The following RRP15 variants were observed in gnomAD, a reference collection of about 807,000 sequenced individuals.
RRP15 encodes the protein RRP15-like protein.
Under a neutral mutation model 27.1 loss-of-function variants are expected in RRP15, and 18 were observed. The observed-to-expected ratio is 0.66, with a 90% CI of 0.46 to 0.98. RRP15 has a LOEUF of 0.98. Among genes scored for constraint, RRP15 ranks in the 50% least tolerant of loss-of-function variants. The pLI is 0.00. For missense variants in RRP15, 359 were observed against 337.8 expected (o/e 1.06, Z -0.49); for synonymous variants, 107 against 109.4 (o/e 0.98, Z 0.14).
At chr1:218,290,782 T>C (rs1262420851) in intron 1 of RRP15, among the ~76,000 whole-genome samples, 2 of 152,210 alleles carry the variant, frequency 1.3e-5, no homozygotes, top group Non-Finnish European at 2.9e-5. Flanking sequence ...TGTGTGTTTT[T>C]GTTTGAAGAC....
At chr1:218,312,706 A>G (rs1372322070) in intron 4 of RRP15, among the ~76,000 whole-genome samples, 32 of 152,162 alleles carry the variant, frequency 2.1e-4, no homozygotes, top group Admixed American at 2.1e-3. Flanking sequence ...AAAAATTGTG[A>G]TGTGGGGATA....
intron 4 of RRP15, among the ~76,000 whole-genome samples, chr1:218,324,759 G>A (rs1417400690): frequency 2.0e-5 from 3 of 152,012 alleles, no homozygotes; most frequent in Admixed American, 1.3e-4. Flanking sequence ...TTTCTTATTC[G>A]TGTGAAAAAA....
intron 1 of RRP15, among the ~76,000 whole-genome samples, chr1:218,289,321 A>G (rs1274486648): frequency 6.6e-6 from 1 of 152,256 alleles, no homozygotes; most frequent in Non-Finnish European, 1.5e-5. Context: ...AAGCTTGGAA[A>G]TAGTGCTTCC....
At position 218,326,878 on chromosome 1, in the gene RRP15, C is replaced by G. The variant is rs141026942; in HGVS notation, c.706-4070C>G. On this transcript the variant is annotated intron_variant, in intron 4 of 4. Coordinates refer to ENST00000366932, the MANE Select transcript of RRP15 (RefSeq NM_016052.4). ...GGGAAGTAGAGCACTAAATGTTTCT[C>G]AAAGCATACCTTTCACCCCAGTGCT... Among the ~76,000 whole-genome samples, 577 of 152,342 alleles carry G rather than the reference C, an allele frequency of 3.8e-3. 4 individuals are homozygous for G. Among genetic ancestry groups the G allele is most frequent in the South Asian group, 0.017 (83 of 4,828 alleles).
chr1:218,309,698 A>C (rs952519465), intron 4 of RRP15, among the ~76,000 whole-genome samples: 26 of 151,470 alleles, frequency 1.7e-4, no homozygotes, highest in African/African-American at 6.1e-4. Context: ...AAAAAAAAAA[A>C]AAAAAAAAAA....
At position 218,323,916 on chromosome 1, in the gene RRP15, G is replaced by A. The variant is rs563453492; in HGVS notation, c.706-7032G>A. 2.4e-4 allele frequency among the ~76,000 whole-genome samples: 36 copies of A among 152,310 alleles called. No individual in the cohort carries two copies. The East Asian group carries it at 6.6e-3, about 28-fold the overall frequency. ...CCGGGCAGTGGGAGAAGATACTTCC[G>A]AGCCTGCAGGGGCAGGGGGCGCCTT... On this transcript the variant is annotated intron_variant, in intron 4 of 4. Transcript: ENST00000366932.
intron 4 of RRP15, among the ~76,000 whole-genome samples, chr1:218,328,752 G>A (rs6671534): frequency 0.05 from 7,642 of 152,160 alleles, 665 homozygotes; most frequent in African/African-American, 0.17. Flanking sequence ...TAGGAGAGGA[G>A]TAGAGGAGTA....
At chr1:218,322,718 G>A (rs1371866570) in intron 4 of RRP15, among the ~76,000 whole-genome samples, 1 of 152,066 alleles carries the variant, frequency 6.6e-6, no homozygotes, top group African/African-American at 2.4e-5. Context: ...ATACATCTCT[G>A]TATTCTTAAT....
chr1:218,313,504 TC>T (rs1558208498), intron 4 of RRP15, among the ~76,000 whole-genome samples: 1 of 152,174 alleles, frequency 6.6e-6, no homozygotes, highest in East Asian at 1.9e-4. Context: ...ATGGAACATG[TC>T]TGAGAGGTAA....
intron 1 of RRP15, among the ~76,000 whole-genome samples, chr1:218,287,211 G>A (rs991065937): frequency 8.0e-5 from 12 of 149,862 alleles, no homozygotes; most frequent in Non-Finnish European, 1.5e-4. Context: ...GAACTCCTAG[G>A]TTCAAGTGAT....
intron 4 of RRP15, among the ~76,000 whole-genome samples, chr1:218,328,166 T>C (rs1656303764): frequency 1.3e-5 from 2 of 152,228 alleles, no homozygotes; most frequent in South Asian, 4.1e-4. Context: ...AAAATCCCCC[T>C]GTAAAGCTCT....
chr1:218,308,062 C>CTTTTTTTTTT lies in RRP15; in HGVS notation c.705+450_705+459dup, dbSNP rs56813511. Among the ~76,000 whole-genome samples the CTTTTTTTTTT allele has an allele frequency of 2.8e-3, 186 of 66,940 alleles. 7 individuals are homozygous for CTTTTTTTTTT. Among genetic ancestry groups the CTTTTTTTTTT allele is most frequent in the Non-Finnish European group, 3.4e-3 (118 of 35,210 alleles). The allele number at this position is 66,940 out of a possible 152,430, so 43.9% of individuals were successfully genotyped here. ...AGCTGCCTCAGTAGTTTCTTTCTTTCTTTTTTTTTTTTTTTTTTTTTTTTT... is the reference window on the plus strand; with the variant it reads ...AGCTGCCTCAGTAGTTTCTTTCTTTCTTTTTTTTTTTTTTTTTTTTTTTTTTTTTTTTTTT... On this transcript the variant is annotated intron_variant, in intron 4 of 4. Coordinates refer to ENST00000366932, the MANE Select transcript of RRP15 (RefSeq NM_016052.4).
intron 4 of RRP15, among the ~76,000 whole-genome samples, chr1:218,317,905 A>T (rs748634051): frequency 8.0e-5 from 12 of 150,528 alleles, no homozygotes; most frequent in Non-Finnish European, 1.3e-4. Context: ...TTGATTTAAA[A>T]TTTTTTTTTC....
chr1:218,289,120 A>G (rs1435035010), intron 1 of RRP15, among the ~76,000 whole-genome samples: 2 of 152,220 alleles, frequency 1.3e-5, no homozygotes, highest in Non-Finnish European at 2.9e-5. Context: ...ACTCATAAAT[A>G]TTAGTGATGA....
intron 2 of RRP15, among the ~76,000 whole-genome samples, chr1:218,304,615 C>G (rs1247163987): frequency 6.6e-6 from 1 of 152,202 alleles, no homozygotes; most frequent in East Asian, 1.9e-4. Flanking sequence ...AATAGTAATT[C>G]TGATGACTGA....
chr1:218,300,198 C>A (rs1331060669), intron 1 of RRP15, among the ~76,000 whole-genome samples: 2 of 151,954 alleles, frequency 1.3e-5, no homozygotes, highest in African/African-American at 4.8e-5. Flanking sequence ...CAAGTGATTT[C>A]TTGTCTTTAT....
rs1656360464 is a variant in RRP15, at chr1:218,331,089, T to A, written c.847T>A (p.Ter283LysextTer21). The change falls in exon 5 of 5, where the codon TAA (stop) becomes AAA (lysine). Residue 283 changes from the stop codon to lysine, a stop_lost. Transcript: ENST00000366932. Reference sequence around the variant, plus strand: ...AGAATCTGCAAGTGACTCTGATACATAAAGCATCATAGGAAATACAATTGC... The same window carrying A: ...AGAATCTGCAAGTGACTCTGATACAAAAAGCATCATAGGAAATACAATTGC... Reference protein sequence around the residue: ...RPESASDSDT* With the variant: ...RPESASDSDTK 1 of 1,608,436 alleles carries A rather than the reference T, an allele frequency of 6.2e-7. No individual in the cohort carries two copies. Among genetic ancestry groups the A allele is most frequent in the Non-Finnish European group, 8.5e-7 (1 of 1,176,978 alleles).
intron 4 of RRP15, 105 bp from the exon 5 acceptor site, chr1:218,330,843 A>G (rs1656354177): frequency 1.1e-6 from 1 of 877,676 alleles, no homozygotes; most frequent in Admixed American, 2.6e-5. Flanking sequence ...TTTTACCCCT[A>G]TTTTAAAAAC....
At position 218,307,611 on chromosome 1, in the gene RRP15, G is replaced by A; in HGVS notation, c.684G>A (p.Arg228=). The A allele has an allele frequency of 6.2e-7, 1 of 1,613,598 alleles. No homozygotes were observed. Among genetic ancestry groups the A allele is most frequent in the Non-Finnish European group, 8.5e-7 (1 of 1,179,796 alleles). ...GTACAAATGAGACTGCTTCAAGCAG[G>A]AAGAAACCAAAAGCCAAACAGGTAA... is the stretch of plus-strand genomic sequence containing the variant. ...DGSTNETASS[R]KKPKAKQTEV... The change falls in exon 4 of 5, where the codon AGG becomes AGA. Residue 228 remains arginine, a synonymous_variant. Transcript: ENST00000366932.
Sources: gnomAD v4.1 joint callset for allele counts (sites outside exome capture counted in the v4.1 genomes callset) on GRCh38, gnomAD v4.1.1 for gene constraint, MANE v1.5 for transcripts, NCBI Gene and HGNC (gene_info 2026-07-23, HGNC 2026-07-21) for gene names.